The following CCDC178 variants were observed in gnomAD, a reference collection of about 807,000 sequenced individuals.
CCDC178 encodes coiled-coil domain-containing protein 178.
CCDC178 carries 126 observed loss-of-function variants against 117.4 expected under a neutral mutation model. The ratio of observed to expected loss-of-function variants is 1.07; its 90% CI spans 0.93 to 1.24. The LOEUF is 1.24. Among genes scored for constraint, CCDC178 ranks in the 50% most tolerant of loss-of-function variants. CCDC178 has a pLI of 0.00. For synonymous variants in CCDC178, 283 were observed against 313.4 expected, an observed-to-expected ratio of 0.90 and a Z score of 1.02; for missense variants, 1,030 against 986.9, an observed-to-expected ratio of 1.04 and a Z score of -0.59.
chr18:33,040,118 G>A (rs74966902), intron 21 of CCDC178, among the ~76,000 whole-genome samples: 12,291 of 151,910 alleles, frequency 0.081, 654 homozygotes, highest in African/African-American at 0.14. Flanking sequence ...ATGAGTTAGT[G>A]TACACATGAA....
At chr18:33,263,227 G>A (rs546791774) in intron 14 of CCDC178, among the ~76,000 whole-genome samples, 2 of 152,180 alleles carry the variant, frequency 1.3e-5, no homozygotes, top group East Asian at 1.9e-4. Flanking sequence ...TAGTCTTTCC[G>A]GAAAGTACTT....
At chr18:33,179,398 A>T (rs1393601851) in intron 20 of CCDC178, among the ~76,000 whole-genome samples, 2 of 151,466 alleles carry the variant, frequency 1.3e-5, no homozygotes, top group African/African-American at 4.8e-5. Context: ...ACTAGTCTTA[A>T]TTCAAATAAT....
chr18:33,232,264 A>C (rs1001078701), intron 15 of CCDC178, among the ~76,000 whole-genome samples: 1 of 152,164 alleles, frequency 6.6e-6, no homozygotes, highest in South Asian at 2.1e-4. Flanking sequence ...GTACTAGGAC[A>C]AAAGATAGCT....
At chr18:33,366,715 C>T (rs1467332851) in intron 6 of CCDC178, among the ~76,000 whole-genome samples, 1 of 151,988 alleles carries the variant, frequency 6.6e-6, no homozygotes, top group Non-Finnish European at 1.5e-5. Context: ...GGGGTGAAGG[C>T]TCCAGCTGAT....
chr18:33,388,013 A>C lies in CCDC178; in HGVS notation c.208+1527T>G, dbSNP rs568540321. On this transcript the variant is annotated intron_variant, in intron 5 of 22. Coordinates refer to ENST00000383096, the MANE Select transcript of CCDC178 (RefSeq NM_001105528.4). ...CTACAAAGAACTTAAGCAAATTTAC[A>C]AGAAATAAACAAACAACCCCATTAA... Among the ~76,000 whole-genome samples the C allele has an allele frequency of 2.6e-5, 4 of 152,304 alleles. No homozygotes were observed. In the East Asian group the frequency reaches 7.7e-4, roughly 29 times the overall value.
intron 12 of CCDC178, among the ~76,000 whole-genome samples, chr18:33,287,650 C>T (rs2060115535): frequency 6.6e-6 from 1 of 152,038 alleles, no homozygotes; most frequent in Non-Finnish European, 1.5e-5. Flanking sequence ...TATGGTGGCT[C>T]ACACCTGTAA....
chr18:33,266,000 T>C (rs1415773242), intron 14 of CCDC178, among the ~76,000 whole-genome samples: 1 of 151,994 alleles, frequency 6.6e-6, no homozygotes, highest in East Asian at 1.9e-4. Context: ...CTCATAGGTT[T>C]CCAAACCAAG....
intron 11 of CCDC178, among the ~76,000 whole-genome samples, chr18:33,313,707 TATGTTAATAAC>T (rs2062373999): frequency 6.6e-6 from 1 of 152,128 alleles, no homozygotes; most frequent in African/African-American, 2.4e-5. Flanking sequence ...CCCCACTTGC[TATGTTAATAAC>T]CTTAATACCC....
intron 15 of CCDC178, among the ~76,000 whole-genome samples, chr18:33,233,219 T>C (rs965171707): frequency 6.6e-6 from 1 of 152,170 alleles, no homozygotes; most frequent in Admixed American, 6.5e-5. Context: ...ATAATGTTAC[T>C]GAGTTACAGA....
At chr18:33,246,988 T>C (rs1180482191) in intron 14 of CCDC178, among the ~76,000 whole-genome samples, 1 of 151,556 alleles carries the variant, frequency 6.6e-6, no homozygotes, top group East Asian at 1.9e-4. Context: ...GTAGAAGCAA[T>C]GACATAATTT....
At chr18:33,342,078 C>T (rs1010802508) in intron 9 of CCDC178, among the ~76,000 whole-genome samples, 1 of 152,094 alleles carries the variant, frequency 6.6e-6, no homozygotes, top group African/African-American at 2.4e-5. Context: ...TTCTAGGATT[C>T]TAGTAGAGGC....
intron 21 of CCDC178, among the ~76,000 whole-genome samples, chr18:33,006,684 G>T (rs2055756955): frequency 6.6e-6 from 1 of 152,000 alleles, no homozygotes; most frequent in South Asian, 2.1e-4. Flanking sequence ...GGTCATTCCT[G>T]TGATTATGTT....
In CCDC178 at chr18:33,248,259, A is replaced by G. The variant is rs373642377; in HGVS notation, c.1410-2831T>C. On this transcript the variant is annotated intron_variant, in intron 14 of 22. Transcript: ENST00000383096. ...CGTAGCTTAAGAAAATTTACCAGAA[A>G]GCCTTTATTTTTTTTTATTTTTATT... 7.9e-5 allele frequency among the ~76,000 whole-genome samples: 12 copies of G among 151,716 alleles called. No homozygotes were observed. In the East Asian group the frequency reaches 2.1e-3, roughly 27 times the overall value.
At chr18:33,088,377 A>G (rs771491812) in intron 21 of CCDC178, among the ~76,000 whole-genome samples, 4 of 152,178 alleles carry the variant, frequency 2.6e-5, no homozygotes, top group Admixed American at 6.5e-5. Flanking sequence ...AGTTGGAAAT[A>G]ATGGATATCT....
chr18:33,389,520 G>A lies in CCDC178; in HGVS notation c.208+20C>T. On this transcript the variant is annotated intron_variant, in intron 5 of 22. Transcript: ENST00000383096. ...ATATAGTTTATATAGTTTACTATAT[G>A]ATTTACATTCAGTCCTCACCTTCAG... The A allele has an allele frequency of 8.1e-7, 1 of 1,241,896 alleles. No individual in the cohort carries two copies. The highest frequency in any genetic ancestry group is 1.5e-5 in the African/African-American group (1 of 64,774). The allele number at this position is 1,241,896 out of a possible 1,614,324, so 76.9% of individuals were successfully genotyped here.
chr18:33,395,415 G>A (rs944629170), intron 4 of CCDC178, among the ~76,000 whole-genome samples: 1 of 151,868 alleles, frequency 6.6e-6, no homozygotes, highest in Admixed American at 6.6e-5. Context: ...TAGCCTCGGA[G>A]CAAAGGTTAA....
At chr18:33,187,340 T>G (rs1291517562) in intron 20 of CCDC178, among the ~76,000 whole-genome samples, 1 of 152,050 alleles carries the variant, frequency 6.6e-6, no homozygotes, top group Non-Finnish European at 1.5e-5. Context: ...GACTCCATAT[T>G]CAGTTCATCT....
In CCDC178 at chr18:33,383,232, G is replaced by T. The variant is rs2144800941; in HGVS notation, c.208+6308C>A. On this transcript the variant is annotated intron_variant, in intron 5 of 22. Coordinates refer to ENST00000383096, the MANE Select transcript of CCDC178 (RefSeq NM_001105528.4). ...TACAGACAGAACTATCATTTCCCTG[G>T]GAAAGAGCACCTTGGGGAAGGGGTG... Among the ~76,000 whole-genome samples, 4 of 152,234 alleles carry T rather than the reference G, an allele frequency of 2.6e-5. 1 individual carries two copies. The South Asian group carries it at 8.3e-4, about 32-fold the overall frequency.
intron 21 of CCDC178, chr18:32,983,139 A>G (rs1392098195): frequency 8.3e-6 from 2 of 242,294 alleles, no homozygotes; most frequent in East Asian, 8.4e-5. Flanking sequence ...AATAAAATCT[A>G]AAAAAAAAAA....
Sources: gnomAD v4.1 joint callset for allele counts (sites outside exome capture counted in the v4.1 genomes callset) on GRCh38, gnomAD v4.1.1 for gene constraint, MANE v1.5 for transcripts, NCBI Gene and HGNC (gene_info 2026-07-23, HGNC 2026-07-21) for gene names.